Variants in CELSR1 observed in about 807,000 individuals in gnomAD.
CELSR1 encodes adhesion G protein-coupled receptor C1.
CELSR1 carries 110 observed loss-of-function variants against 249.1 expected under a neutral mutation model. The observed-to-expected ratio is 0.44, with a 90% CI of 0.38 to 0.52. CELSR1 has a LOEUF of 0.52. Ranked by LOEUF, CELSR1 falls within the 20% of genes least tolerant of loss-of-function variation. The pLI is 0.00. For missense variants in CELSR1, 4,109 were observed against 4,296.4 expected, an observed-to-expected ratio of 0.96 and a Z score of 1.22; for synonymous variants, 2,113 against 1,900.0, an observed-to-expected ratio of 1.11 and a Z score of -2.92.
At chr22:46,405,692 G>C (rs1366654293) in intron 9 of CELSR1, among the ~76,000 whole-genome samples, 4 of 152,232 alleles carry the variant, frequency 2.6e-5, no homozygotes, top group African/African-American at 9.6e-5. Flanking sequence ...GGTGGATTTT[G>C]GGTGCCCGAG....
At position 46,362,382 on chromosome 22, in the gene CELSR1, T is replaced by C. The variant is rs1239477807; in HGVS notation, c.*841A>G. ...CTTGAATTCACACAGCCGGGGCAGA[T>C]GGCAGCAGAGGACAAACGCACACAC... On this transcript the variant is annotated 3_prime_UTR_variant, in exon 35 of 35. Coordinates refer to ENST00000674500, the MANE Select transcript of CELSR1 (RefSeq NM_001378328.1). The C allele has an allele frequency of 6.6e-6, 1 of 152,510 alleles. No individual in the cohort carries two copies. Among genetic ancestry groups the C allele is most frequent in the African/African-American group, 2.4e-5 (1 of 41,480 alleles). 9.4% of individuals were successfully genotyped at this position (152,510 alleles called of 1,614,324 possible).
At chr22:46,475,910 G>A (rs1302554231) in intron 1 of CELSR1, among the ~76,000 whole-genome samples, 1 of 152,030 alleles carries the variant, frequency 6.6e-6, no homozygotes, top group Non-Finnish European at 1.5e-5. Flanking sequence ...GTCTCTGCTT[G>A]ATGGAACCTT....
chr22:46,376,953 G>A (rs1365058282), intron 24 of CELSR1, 108 bp downstream of exon 24: 4 of 1,068,644 alleles, frequency 3.7e-6, no homozygotes, highest in East Asian at 2.6e-5. Context: ...CAGAGGTGGG[G>A]GTGGTGAGGA....
intron 1 of CELSR1, among the ~76,000 whole-genome samples, chr22:46,499,476 G>A (rs144847210): frequency 1.2e-3 from 190 of 152,316 alleles, no homozygotes; most frequent in African/African-American, 4.2e-3. Flanking sequence ...TGCCAGTGGC[G>A]AGAATATCAA....
At position 46,463,885 on chromosome 22, in the gene CELSR1, G is replaced by A. The variant is rs538442242; in HGVS notation, c.4005C>T (p.Thr1335=). The change falls in exon 2 of 35, where the codon ACC becomes ACT. Residue 1335 remains threonine (T), a synonymous_variant. Coordinates refer to ENST00000674500, the MANE Select transcript of CELSR1 (RefSeq NM_001378328.1). ...DSSAPFLSST[T]VLFRPIHPIN... is the part of the protein sequence containing the mutation. The stretch of plus-strand genomic sequence containing the variant: ...TGGGGTGGATGGGCCGGAAGAGCAC[G>A]GTGGTGGAGCTGAGGAAGGGCGCGG... The A allele has an allele frequency of 9.3e-6, 15 of 1,613,196 alleles. No individual in the cohort carries two copies. The Admixed American group carries it at 1.0e-4, about 11-fold the overall frequency.
At chr22:46,421,290 T>G (rs2079469235) in intron 5 of CELSR1, among the ~76,000 whole-genome samples, 1 of 144,420 alleles carries the variant, frequency 6.9e-6, no homozygotes, top group Non-Finnish European at 1.5e-5. Flanking sequence ...GCCCCAGCAG[T>G]GAGGGGTTGG....
At position 46,439,260 on chromosome 22, in the gene CELSR1, C is replaced by T. The variant is rs1445637791; in HGVS notation, c.4335G>A (p.Arg1445=). ...YERPYCEVTT[R]SFPPQSFVTF... is the part of the protein sequence containing the mutation. ...TGACGAAGGACTGGGGCGGGAAGCT[C>T]CTGGTGGTCACCTCACAGTAGGGCC... The change falls in exon 3 of 35, where the codon AGG becomes AGA. Residue 1445 remains arginine, a synonymous_variant. Coordinates refer to ENST00000674500, the MANE Select transcript of CELSR1 (RefSeq NM_001378328.1). 6.8e-6 allele frequency: 11 copies of T among 1,614,128 alleles called. No individual in the cohort carries two copies. The highest frequency in any genetic ancestry group is 9.3e-6 in the Non-Finnish European group (11 of 1,180,022).
chr22:46,440,285 G>A lies in CELSR1; in HGVS notation c.4184-874C>T, dbSNP rs533936360. Among the ~76,000 whole-genome samples the A allele has an allele frequency of 3.1e-4, 47 of 152,244 alleles. 1 individual carries two copies. Among genetic ancestry groups the A allele is most frequent in the South Asian group, 1.5e-3 (7 of 4,810 alleles). On this transcript the variant is annotated intron_variant, in intron 2 of 34. Coordinates refer to ENST00000674500, the MANE Select transcript of CELSR1 (RefSeq NM_001378328.1). This position sits in a 1 kb window ranked among gnomAD's most constrained non-coding sequence, Gnocchi z 4.7. The stretch of plus-strand genomic sequence containing the variant: ...CAGGTGTGTGGCTGGTGACACTCCC[G>A]CCCCCGGACAGGGATGGTGAGCCGC...
intron 1 of CELSR1, among the ~76,000 whole-genome samples, chr22:46,498,291 CAA>C (rs757698564): frequency 8.8e-5 from 1 of 11,314 alleles, no homozygotes; most frequent in Non-Finnish European, 1.5e-4. Flanking sequence ...AACTCTGTCT[CAA>C]AAAAAAAAAA....
chr22:46,510,609 A>C (rs1349494717), intron 1 of CELSR1, among the ~76,000 whole-genome samples: 1 of 152,200 alleles, frequency 6.6e-6, no homozygotes, highest in Non-Finnish European at 1.5e-5. Context: ...CAGCCCCAGA[A>C]AAGTCAGAGC....
chr22:46,495,406 G>A (rs570608509), intron 1 of CELSR1, among the ~76,000 whole-genome samples: 6 of 152,326 alleles, frequency 3.9e-5, no homozygotes, highest in Non-Finnish European at 5.9e-5. Context: ...TACTTACCAG[G>A]AATGAAGGTT....
At chr22:46,504,039 G>C (rs1490309891) in intron 1 of CELSR1, among the ~76,000 whole-genome samples, 3 of 152,002 alleles carry the variant, frequency 2.0e-5, no homozygotes, top group Admixed American at 6.6e-5. Context: ...CTCAAGAAGA[G>C]AAAAAGAAAA....
intron 11 of CELSR1, 106 bp from the exon 12 acceptor site, chr22:46,397,954 T>G (rs2079169119): frequency 1.0e-6 from 1 of 977,116 alleles, no homozygotes; most frequent in South Asian, 2.7e-5. Context: ...TCATCTGTGA[T>G]GCCTCATTTA....
At chr22:46,443,398 G>T (rs973267434) in intron 2 of CELSR1, among the ~76,000 whole-genome samples, 13 of 152,154 alleles carry the variant, frequency 8.5e-5, no homozygotes, top group African/African-American at 2.9e-4. Flanking sequence ...GAACAGAGGG[G>T]TTTCCCACCC....
intron 1 of CELSR1, chr22:46,530,354 A>G (rs2147813765): frequency 6.7e-6 from 1 of 148,724 alleles, no homozygotes; most frequent in East Asian, 1.9e-4. Flanking sequence ...TATATTATAT[A>G]TTATATATAA....
At position 46,447,144 on chromosome 22, in the gene CELSR1, G is replaced by A. The variant is rs1336932269; in HGVS notation, c.4184-7733C>T. Among the ~76,000 whole-genome samples the A allele has an allele frequency of 6.6e-6, 1 of 152,110 alleles. No homozygotes were observed. Among genetic ancestry groups the A allele is most frequent in the African/African-American group, 2.4e-5 (1 of 41,428 alleles). ...CCTCAGGGAGAATCCTGAATTGGCG[G>A]CATTTGTAAACACTCCCACCAAGGC... On this transcript the variant is annotated intron_variant, in intron 2 of 34. Coordinates refer to ENST00000674500, the MANE Select transcript of CELSR1 (RefSeq NM_001378328.1). This position sits in a 1 kb window ranked among gnomAD's most constrained non-coding sequence, Gnocchi z 4.7.
At position 46,398,519 on chromosome 22, in the gene CELSR1, C is replaced by G. The variant is rs374501629; in HGVS notation, c.5526+5G>C. The G allele has an allele frequency of 6.3e-7, 1 of 1,599,444 alleles. No homozygotes were observed. The highest frequency in any genetic ancestry group is 1.7e-5 in the Admixed American group (1 of 58,288). On this transcript the variant is annotated splice_donor_5th_base_variant and intron_variant, in intron 11 of 34. Coordinates refer to ENST00000674500, the MANE Select transcript of CELSR1 (RefSeq NM_001378328.1). This position sits in a 1 kb window ranked among gnomAD's most constrained non-coding sequence, Gnocchi z 7.2. ...CTCCCCCCGCCCCCCACAACCCCCA[C>G]GCACCTGCATGCAGCCTCGGAATCC...
intron 27 of CELSR1, 107 bp downstream of exon 27, chr22:46,369,072 T>A: frequency 2.6e-5 from 24 of 906,746 alleles, no homozygotes; most frequent in African/African-American, 3.4e-5. Context: ...CCAGCCCTCC[T>A]CCATGAGGCC....
chr22:46,429,509 C>T lies in CELSR1; in HGVS notation c.4611+3884G>A, dbSNP rs749121696. Among the ~76,000 whole-genome samples, 3 of 152,248 alleles carry T rather than the reference C, an allele frequency of 2.0e-5. No individual in the cohort carries two copies. Among genetic ancestry groups the T allele is most frequent in the Non-Finnish European group, 4.4e-5 (3 of 68,046 alleles). ...TACAAGTGCCTGCCTTTGAAAAGAC[C>T]GTCCTGGAAAAACGTCCGACTCCAA... On this transcript the variant is annotated intron_variant, in intron 5 of 34. Transcript: ENST00000674500. The surrounding 1 kb of genome is among the most constrained non-coding windows in gnomAD (Gnocchi z 4.1).
Sources: gnomAD v4.1 joint callset for allele counts (sites outside exome capture counted in the v4.1 genomes callset) on GRCh38, gnomAD v4.1.1 for gene constraint, Gnocchi (gnomAD v3.1) non-coding constraint, MANE v1.5 for transcripts, NCBI Gene and HGNC (gene_info 2026-07-23, HGNC 2026-07-21) for gene names.